Variants in RGS6 observed in about 807,000 individuals in gnomAD.
RGS6 encodes regulator of G-protein signaling 6.
RGS6 carries 30 observed loss-of-function variants against 78.5 expected under a neutral mutation model. That is an observed-to-expected ratio of 0.38 (90% CI 0.29 to 0.52). The LOEUF (loss-of-function observed/expected upper bound fraction) is 0.52. Ranked by LOEUF, RGS6 falls within the 20% of genes least tolerant of loss-of-function variation. The pLI is 0.85. For missense variants in RGS6, 495 were observed against 609.7 expected, an observed-to-expected ratio of 0.81 and a Z score of 1.98; for synonymous variants, 206 against 206.0, an observed-to-expected ratio of 1.00 and a Z score of 0.00.
At chr14:72,402,017 G>T (rs920390734) in intron 3 of RGS6, among the ~76,000 whole-genome samples, 9 of 152,212 alleles carry the variant, frequency 5.9e-5, no homozygotes, top group Non-Finnish European at 1.3e-4. Context: ...GGAGTAATCT[G>T]GGGGGAAGGA....
the RGS6 span, among the ~76,000 whole-genome samples, chr14:72,599,056 C>T: frequency 4.6e-5 from 7 of 152,310 alleles, no homozygotes; most frequent in East Asian, 1.3e-3. Flanking sequence ...CCCGGCGCAG[C>T]CACGGGATTC....
intron 13 of RGS6, among the ~76,000 whole-genome samples, chr14:72,506,576 A>G (rs2096802985): frequency 6.6e-6 from 1 of 152,222 alleles, no homozygotes; most frequent in Admixed American, 6.5e-5. Context: ...TGTATCTAGG[A>G]AGCTTTTAAT....
chr14:72,122,801 A>G (rs2096085993), intron 2 of RGS6, among the ~76,000 whole-genome samples: 1 of 150,844 alleles, frequency 6.6e-6, no homozygotes, highest in Non-Finnish European at 1.5e-5. Flanking sequence ...CTTAAGGTAC[A>G]AGTTTAAATA....
intron 2 of RGS6, among the ~76,000 whole-genome samples, chr14:72,240,993 C>T (rs1418988494): frequency 6.6e-6 from 1 of 151,784 alleles, no homozygotes; most frequent in East Asian, 1.9e-4. Flanking sequence ...CGTGTCTCTA[C>T]CAAAGATTCA....
chr14:71,960,039 T>C (rs17104955), intron 1 of RGS6, among the ~76,000 whole-genome samples: 13,338 of 152,190 alleles, frequency 0.088, 678 homozygotes, highest in East Asian at 0.18. Context: ...TGCTCAACAT[T>C]GTTAGCTGCC....
rs1220034409 is a variant in RGS6, at chr14:71,984,497, T to G, written c.84+19622T>G. On this transcript the variant is annotated intron_variant, in intron 2 of 17. Coordinates refer to ENST00000553525, the MANE Select transcript of RGS6 (RefSeq NM_001204424.2). ...CTGTCTCAAAAAGAAAAAAAAAAAG[T>G]TGGTGTGGACAAGGAAGGCTTATTG... is the stretch of plus-strand genomic sequence containing the variant. 6.8e-3 allele frequency among the ~76,000 whole-genome samples: 200 copies of G among 29,446 alleles called. 1 individual carries two copies. The highest frequency in any genetic ancestry group is 0.026 in the African/African-American group (188 of 7,166). 19.3% of individuals were successfully genotyped at this position (29,446 alleles called of 152,430 possible).
chr14:72,547,439 C>T, intron 17 of RGS6: 2 of 947,664 alleles, frequency 2.1e-6, no homozygotes, highest in Non-Finnish European at 3.2e-6. Flanking sequence ...GGGATGCTTC[C>T]CCCTTTTAAA....
intron 3 of RGS6, among the ~76,000 whole-genome samples, chr14:72,411,678 A>G (rs1204117276): frequency 2.0e-5 from 3 of 152,178 alleles, no homozygotes; most frequent in Non-Finnish European, 4.4e-5. Flanking sequence ...GTTTTTGTCC[A>G]TTCAGTATGA....
chr14:72,441,252 G>A (rs1392514483), intron 3 of RGS6, among the ~76,000 whole-genome samples: 1 of 152,150 alleles, frequency 6.6e-6, no homozygotes, highest in African/African-American at 2.4e-5. Flanking sequence ...CAGGGACCTA[G>A]CCTCCCTCCC....
At chr14:71,911,974 G>T in the RGS6 span, among the ~76,000 whole-genome samples, 36 of 152,300 alleles carry the variant, frequency 2.4e-4, no homozygotes, top group Non-Finnish European at 4.4e-4. Flanking sequence ...TATTCACTTT[G>T]GGGTGGAGAC....
intron 1 of RGS6, among the ~76,000 whole-genome samples, chr14:71,948,286 A>G (rs1255876563): frequency 3.3e-5 from 5 of 152,190 alleles, no homozygotes; most frequent in African/African-American, 1.2e-4. Flanking sequence ...CTGATTAGTC[A>G]CATGTCTACG....
intron 13 of RGS6, among the ~76,000 whole-genome samples, chr14:72,503,730 C>A (rs1566999704): frequency 2.0e-5 from 3 of 152,222 alleles, no homozygotes; most frequent in African/African-American, 7.2e-5. Context: ...GGGGCAGCAG[C>A]CCCACCTCCA....
At chr14:72,120,573 A>C (rs963424877) in intron 2 of RGS6, among the ~76,000 whole-genome samples, 1 of 152,238 alleles carries the variant, frequency 6.6e-6, no homozygotes, top group Admixed American at 6.5e-5. Context: ...ATACCACCCA[A>C]ATGTTTAACA....
At chr14:71,880,648 A>G in the RGS6 span, among the ~76,000 whole-genome samples, 3 of 152,246 alleles carry the variant, frequency 2.0e-5, no homozygotes, top group Non-Finnish European at 4.4e-5. Context: ...AGTGCACAGA[A>G]GTCAAGAATT....
chr14:72,541,195 G>T, intron 17 of RGS6: 1 of 1,397,208 alleles, frequency 7.2e-7, no homozygotes, highest in Non-Finnish European at 9.5e-7. Context: ...TTCCACCTCT[G>T]TTGAGGAGGA....
chr14:72,128,836 T>C (rs2153585154), intron 2 of RGS6, among the ~76,000 whole-genome samples: 1 of 152,318 alleles, frequency 6.6e-6, no homozygotes, highest in African/African-American at 2.4e-5. Context: ...GGCTCCGTAT[T>C]AGCCCTGGTA....
the RGS6 span, among the ~76,000 whole-genome samples, chr14:71,926,116 T>A: frequency 0.14 from 20,616 of 152,138 alleles, 1,735 homozygotes; most frequent in East Asian, 0.19. Flanking sequence ...TTCAGCACAA[T>A]CACTATCAAA....
At chr14:72,428,800 G>A (rs1597385970) in intron 3 of RGS6, among the ~76,000 whole-genome samples, 1 of 152,186 alleles carries the variant, frequency 6.6e-6, no homozygotes, top group South Asian at 2.1e-4. Flanking sequence ...TGGTAAAAAG[G>A]AATCCACCCT....
chr14:72,532,558 C>A (rs1330042819), intron 15 of RGS6, among the ~76,000 whole-genome samples: 1 of 152,176 alleles, frequency 6.6e-6, no homozygotes, highest in Non-Finnish European at 1.5e-5. Context: ...TGTTGAAAGC[C>A]AAGATAGGCT....
Sources: allele counts gnomAD v4.1 joint callset (sites outside exome capture counted in the v4.1 genomes callset), GRCh38; gene constraint gnomAD v4.1.1; transcripts MANE v1.5; gene names NCBI Gene and HGNC (gene_info 2026-07-23, HGNC 2026-07-21).